The following COG2 variants were observed in gnomAD, a reference collection of about 807,000 sequenced individuals.
COG2 encodes the protein conserved oligomeric Golgi complex subunit 2.
A neutral mutation model predicts 90.6 loss-of-function variants in COG2; 52 were observed. The observed-to-expected ratio is 0.57, with a 90% CI of 0.46 to 0.72. COG2 has a LOEUF of 0.72. Ranked by LOEUF, COG2 falls within the 30% of genes least tolerant of loss-of-function variation. The pLI is 0.00. For synonymous variants in COG2, 337 were observed against 320.4 expected (o/e 1.05, Z -0.55); for missense variants, 829 against 891.2 (o/e 0.93, Z 0.89).
intron 2 of COG2, among the ~76,000 whole-genome samples, chr1:230,660,054 G>A (rs2102749780): frequency 6.6e-6 from 1 of 152,308 alleles, no homozygotes; most frequent in Admixed American, 6.5e-5. Context: ...AGGAGGCTTG[G>A]TTTTATAAAA....
At chr1:230,663,859 A>G (rs1438102370) in intron 4 of COG2, among the ~76,000 whole-genome samples, 1 of 152,206 alleles carries the variant, frequency 6.6e-6, no homozygotes, top group African/African-American at 2.4e-5. Flanking sequence ...CCTTACGAAC[A>G]TAAATGTAGT....
intron 1 of COG2, among the ~76,000 whole-genome samples, chr1:230,651,375 C>A (rs915098086): frequency 6.6e-6 from 1 of 152,102 alleles, no homozygotes; most frequent in African/African-American, 2.4e-5. Context: ...GGGTCTCAGG[C>A]GAGCTTTAAA....
chr1:230,680,980 T>C (rs1662730988), intron 10 of COG2: 4 of 152,188 alleles, frequency 2.6e-5, no homozygotes, highest in Admixed American at 6.5e-5. Flanking sequence ...GTAATAGTTT[T>C]CTGCTCCTGG....
rs58915483 is a variant in COG2 at position 230,674,595 on chromosome 1, C to T, written c.900-403C>T. 6.2e-3 allele frequency among the ~76,000 whole-genome samples: 952 copies of T among 152,324 alleles called. 7 individuals are homozygous for T. The highest frequency in any genetic ancestry group is 0.021 in the African/African-American group (882 of 41,566). ...GTTAGTAATTTATAAATTAGCATAA[C>T]TTACAATGCTGTGTGGTTTAGTGGT... On this transcript the variant is annotated intron_variant, in intron 8 of 17. Transcript: ENST00000366669.
At chr1:230,690,511 AATC>A (rs940373235) in intron 16 of COG2, among the ~76,000 whole-genome samples, 3 of 152,368 alleles carry the variant, frequency 2.0e-5, no homozygotes, top group African/African-American at 7.2e-5. Context: ...AAGTGGCTCT[AATC>A]ATAACAGATA....
intron 1 of COG2, among the ~76,000 whole-genome samples, chr1:230,645,486 G>A (rs1333107105): frequency 2.0e-5 from 3 of 152,062 alleles, no homozygotes; most frequent in African/African-American, 4.8e-5. Context: ...CAGCAACCTC[G>A]TTCTTGCATT....
chr1:230,692,408 T>G (rs961670603), intron 17 of COG2, among the ~76,000 whole-genome samples: 1 of 152,060 alleles, frequency 6.6e-6, no homozygotes, highest in Non-Finnish European at 1.5e-5. Context: ...ACTAAGGAAT[T>G]TCTTTTACAC....
intron 10 of COG2, chr1:230,679,742 A>C (rs1009486770): frequency 1.3e-5 from 2 of 152,206 alleles, no homozygotes; most frequent in Admixed American, 6.5e-5. Flanking sequence ...ATTTTTGCAG[A>C]TTCTCTTGAA....
intron 1 of COG2, among the ~76,000 whole-genome samples, chr1:230,652,230 G>A (rs1411056500): frequency 1.3e-5 from 2 of 151,804 alleles, no homozygotes; most frequent in Admixed American, 1.3e-4. Flanking sequence ...CTAACCCCAG[G>A]CAACTACGGA....
chr1:230,664,515 G>A lies in COG2; in HGVS notation c.413G>A (p.Arg138Gln), dbSNP rs199727575. The A allele has an allele frequency of 1.3e-5, 21 of 1,564,454 alleles. No individual in the cohort carries two copies. In the Middle Eastern group the frequency reaches 5.6e-4, roughly 42 times the overall value. ...GTATTGAGGCTTATACAAGTTATTC[G>A]GTCAGTTGAGAAAATTGAAAAAATC... ...MCVLRLIQVI[R>Q]SVEKIEKILN... The change falls in exon 5 of 18, where the codon CGG becomes CAG. Residue 138 changes from arginine (R) to glutamine (Q), a missense_variant. Coordinates refer to ENST00000366669, the MANE Select transcript of COG2 (RefSeq NM_007357.3).
intron 1 of COG2, among the ~76,000 whole-genome samples, chr1:230,645,106 A>G (rs1345745314): frequency 2.0e-5 from 3 of 151,958 alleles, no homozygotes; most frequent in Non-Finnish European, 2.9e-5. Context: ...GTGGTGGCAC[A>G]TACCTGTAGT....
intron 12 of COG2, among the ~76,000 whole-genome samples, chr1:230,685,738 T>C (rs2296799): frequency 0.15 from 22,415 of 152,224 alleles, 1,861 homozygotes; most frequent in Non-Finnish European, 0.19. Context: ...TGATGACTTA[T>C]TAATACCCTA....
intron 1 of COG2, among the ~76,000 whole-genome samples, chr1:230,650,131 C>T (rs954759291): frequency 4.6e-5 from 7 of 152,120 alleles, no homozygotes; most frequent in Admixed American, 1.3e-4. Context: ...TTGATAGACA[C>T]GTTGATTCCA....
At chr1:230,673,998 T>G (rs1212796248) in intron 8 of COG2, among the ~76,000 whole-genome samples, 1 of 152,190 alleles carries the variant, frequency 6.6e-6, no homozygotes, top group East Asian at 1.9e-4. Context: ...AATAGAACAT[T>G]TATTAAATTG....
chr1:230,642,907 A>G, intron 1 of COG2: 1 of 537,912 alleles, frequency 1.9e-6, no homozygotes, highest in Non-Finnish European at 3.3e-6. Flanking sequence ...AAGGCCTGAA[A>G]GTTCTGGGCA....
rs1662446887 is a variant in COG2, at chr1:230,671,512, A to G, written c.775-4A>G. ...TTTTTAAAAAATGATTTTTCTTTTAATAGGTGATTATAGAGCAGTTTGTTG... is the reference window on the plus strand; with the variant it reads ...TTTTTAAAAAATGATTTTTCTTTTAGTAGGTGATTATAGAGCAGTTTGTTG... On this transcript the variant is annotated splice_polypyrimidine_tract_variant and splice_region_variant and intron_variant, in intron 7 of 17. Transcript: ENST00000366669. 1.2e-6 allele frequency: 2 copies of G among 1,601,450 alleles called. No homozygotes were observed. Among genetic ancestry groups the G allele is most frequent in the Non-Finnish European group, 1.7e-6 (2 of 1,175,676 alleles).
chr1:230,660,953 ACTCATC>A, intron 3 of COG2, 130 bp downstream of exon 3: 1 of 482,124 alleles, frequency 2.1e-6, no homozygotes, highest in Non-Finnish European at 3.6e-6. Flanking sequence ...TAATTATAAT[ACTCATC>A]CTCAGAAAAG....
chr1:230,659,371 G>A, intron 1 of COG2, 93 bp from the exon 2 acceptor site: 1 of 1,017,182 alleles, frequency 9.8e-7, no homozygotes, highest in Non-Finnish European at 1.5e-6. Flanking sequence ...TAAATGACGG[G>A]AATGGGCTTT....
At chr1:230,668,450 C>T (rs1571952360) in intron 5 of COG2, among the ~76,000 whole-genome samples, 1 of 150,362 alleles carries the variant, frequency 6.7e-6, no homozygotes, top group African/African-American at 2.5e-5. Context: ...TCAACAGATT[C>T]CCCGGTGCAC....
Sources: gnomAD v4.1 joint callset for allele counts (sites outside exome capture counted in the v4.1 genomes callset) on GRCh38, gnomAD v4.1.1 for gene constraint, MANE v1.5 for transcripts, NCBI Gene and HGNC (gene_info 2026-07-23, HGNC 2026-07-21) for gene names.